The following ADAMTSL1 variants were observed in gnomAD, a reference collection of about 807,000 sequenced individuals.
ADAMTSL1 encodes ADAMTS like 1, also known as ADAMTS-like protein 1.
In ADAMTSL1, 126 loss-of-function variants were observed where a neutral mutation model predicts 201.8. The observed-to-expected ratio is 0.62, with a 90% CI of 0.54 to 0.72. The LOEUF (loss-of-function observed/expected upper bound fraction) is 0.72. Ranked by LOEUF, ADAMTSL1 falls within the 30% of genes least tolerant of loss-of-function variation. The probability of loss-of-function intolerance (pLI) is 0.00; values close to 1 mark genes in which losing one functional copy is unlikely to be tolerated. For synonymous variants in ADAMTSL1, 1,121 were observed against 903.4 expected (o/e 1.24, Z -4.32); for missense variants, 2,679 against 2,277.8 (o/e 1.18, Z -3.59).
intron 4 of ADAMTSL1, among the ~76,000 whole-genome samples, chr9:18,582,872 TAAAATAAAATAAAATA>T (rs1375135346): frequency 1.2e-4 from 18 of 149,512 alleles, no homozygotes; most frequent in East Asian, 3.9e-4. Flanking sequence ...ATAAATAAAA[TAAAATAAAATAAAATA>T]AAAATAAAAT....
chr9:18,361,014 A>G (rs1220939955), intron 2 of ADAMTSL1, among the ~76,000 whole-genome samples: 4 of 152,222 alleles, frequency 2.6e-5, no homozygotes, highest in Admixed American at 2.6e-4. Context: ...GGTGATTAGA[A>G]TCATGAAATG....
intron 27 of ADAMTSL1, 89 bp from the exon 28 acceptor site, chr9:18,906,603 C>A: frequency 9.0e-7 from 1 of 1,108,408 alleles, no homozygotes; most frequent in South Asian, 1.6e-5. Flanking sequence ...AACCACCTAA[C>A]ATTTCTGAGT....
chr9:18,155,762 G>A (rs1025358756), intron 1 of ADAMTSL1, among the ~76,000 whole-genome samples: 1 of 151,932 alleles, frequency 6.6e-6, no homozygotes, highest in Admixed American at 6.6e-5. Context: ...GAGACTGGGT[G>A]GCCTGTTTTG....
intron 3 of ADAMTSL1, among the ~76,000 whole-genome samples, chr9:18,557,890 A>G (rs1821200311): frequency 6.6e-6 from 1 of 151,970 alleles, no homozygotes; most frequent in Non-Finnish European, 1.5e-5. Flanking sequence ...AACAGATTTT[A>G]TTCCCTGTTG....
intron 1 of ADAMTSL1, among the ~76,000 whole-genome samples, chr9:18,084,583 A>G (rs1823659837): frequency 6.6e-6 from 1 of 152,042 alleles, no homozygotes; most frequent in African/African-American, 2.4e-5. Flanking sequence ...TTAGCTTTTC[A>G]TTAATGTTTA....
intron 2 of ADAMTSL1, among the ~76,000 whole-genome samples, chr9:18,425,937 A>C (rs10125605): frequency 6.6e-6 from 1 of 151,810 alleles, no homozygotes; most frequent in Non-Finnish European, 1.5e-5. Flanking sequence ...GTAAAGGGTG[A>C]AAAGATGTTA....
At chr9:17,994,515 G>A (rs1274228482) in intron 1 of ADAMTSL1, among the ~76,000 whole-genome samples, 1 of 152,078 alleles carries the variant, frequency 6.6e-6, no homozygotes, top group African/African-American at 2.4e-5. Flanking sequence ...TAGATATTCG[G>A]TATATTCAGT....
At chr9:17,988,501 C>T (rs1039258496) in intron 1 of ADAMTSL1, among the ~76,000 whole-genome samples, 3 of 151,620 alleles carry the variant, frequency 2.0e-5, no homozygotes, top group Non-Finnish European at 4.4e-5. Context: ...ATACCAGGCC[C>T]ATGTGTTATT....
intron 2 of ADAMTSL1, among the ~76,000 whole-genome samples, chr9:18,403,177 CAT>C (rs1818052230): frequency 1.3e-5 from 2 of 151,416 alleles, no homozygotes; most frequent in African/African-American, 4.9e-5. Context: ...TATTTTTCCC[CAT>C]TTTATTATTA....
intron 1 of ADAMTSL1, among the ~76,000 whole-genome samples, chr9:17,951,437 C>G (rs915525919): frequency 6.6e-6 from 1 of 152,108 alleles, no homozygotes; most frequent in Non-Finnish European, 1.5e-5. Flanking sequence ...GTATTCTTAC[C>G]AGCTCTGCAG....
chr9:18,731,164 T>A (rs1412705107), intron 15 of ADAMTSL1, among the ~76,000 whole-genome samples: 1 of 152,166 alleles, frequency 6.6e-6, no homozygotes, highest in South Asian at 2.1e-4. Flanking sequence ...CTTGGCAATG[T>A]CAAAGCTAAA....
intron 9 of ADAMTSL1, among the ~76,000 whole-genome samples, chr9:18,664,876 T>C (rs1056116169): frequency 6.6e-6 from 1 of 152,072 alleles, no homozygotes; most frequent in Non-Finnish European, 1.5e-5. Context: ...ACAGAGCCTG[T>C]TGTTCCACAG....
chr9:18,662,877 C>G lies in ADAMTSL1; in HGVS notation c.1085+804C>G, dbSNP rs529245972. ...ATTCTCTTTAGTATAGTGTAGCTTA[C>G]TCATCCTCAACTTATGAGAGAGAAT... On this transcript the variant is annotated intron_variant, in intron 9 of 28. Coordinates refer to ENST00000380548, the MANE Select transcript of ADAMTSL1 (RefSeq NM_001040272.6). 9.9e-5 allele frequency among the ~76,000 whole-genome samples: 15 copies of G among 152,282 alleles called. 1 individual carries two copies. In the South Asian group the frequency reaches 2.5e-3, roughly 25 times the overall value.
At chr9:18,028,925 CT>C (rs1186007082) in intron 1 of ADAMTSL1, among the ~76,000 whole-genome samples, 1 of 152,174 alleles carries the variant, frequency 6.6e-6, no homozygotes, top group African/African-American at 2.4e-5. Flanking sequence ...TTTGTGTCGT[CT>C]TTGATTTCAT....
intron 23 of ADAMTSL1, among the ~76,000 whole-genome samples, chr9:18,832,125 G>A (rs1269802520): frequency 2.6e-5 from 4 of 152,162 alleles, no homozygotes; most frequent in African/African-American, 4.8e-5. Context: ...CCATCAAAAC[G>A]AACAAGCCTC....
At position 18,113,408 on chromosome 9, in the gene ADAMTSL1, C is replaced by T. The variant is rs189827765; in HGVS notation, c.88-50454C>T. ...CAGCAAGATAAGTTCCATATATGTT[C>T]AGGAAAGAGATTTAGCAAGATTGAC... On this transcript the variant is annotated intron_variant, in intron 1 of 29. Coordinates refer to the ADAMTSL1 transcript ENST00000680146. Among the ~76,000 whole-genome samples, 5 of 152,082 alleles carry T rather than the reference C, an allele frequency of 3.3e-5. No individual in the cohort carries two copies. In the East Asian group the frequency reaches 7.7e-4, roughly 24 times the overall value.
Position 18,608,409 on chromosome 9 carries a change from G to A in ADAMTSL1, c.475-13834G>A, listed in dbSNP as rs751572079. On this transcript the variant is annotated intron_variant, in intron 4 of 28. Coordinates refer to ENST00000380548, the MANE Select transcript of ADAMTSL1 (RefSeq NM_001040272.6). Reference sequence around the variant, plus strand: ...TATAGTTTCAGCTGGATTTAAACTAGACTATAGCAGGAAAGAAAAAGAATT... The same window carrying A: ...TATAGTTTCAGCTGGATTTAAACTAAACTATAGCAGGAAAGAAAAAGAATT... 2.4e-4 allele frequency among the ~76,000 whole-genome samples: 36 copies of A among 152,328 alleles called. 1 individual carries two copies. Among genetic ancestry groups the A allele is most frequent in the Middle Eastern group, 6.8e-3 (2 of 294 alleles).
chr9:18,434,023 A>C (rs1431723583), intron 2 of ADAMTSL1, among the ~76,000 whole-genome samples: 1 of 152,234 alleles, frequency 6.6e-6, no homozygotes, highest in East Asian at 1.9e-4. Flanking sequence ...CAAATCATCT[A>C]GCCAGGAGAT....
At chr9:18,125,214 G>C (rs1051265340) in intron 1 of ADAMTSL1, among the ~76,000 whole-genome samples, 1 of 152,082 alleles carries the variant, frequency 6.6e-6, no homozygotes, top group East Asian at 1.9e-4. Flanking sequence ...CCTCTTACAC[G>C]GATGGCAGCA....
Sources: gnomAD v4.1 joint callset for allele counts (sites outside exome capture counted in the v4.1 genomes callset) on GRCh38, gnomAD v4.1.1 for gene constraint, MANE v1.5 for transcripts, NCBI Gene and HGNC (gene_info 2026-07-23, HGNC 2026-07-21) for gene names.